MARK1: variants seen among roughly 807,000 people sequenced by gnomAD.
MARK1 encodes microtubule affinity regulating kinase 1.
A neutral mutation model predicts 96.3 loss-of-function variants in MARK1; 40 were observed. That is an observed-to-expected ratio of 0.42 (90% CI 0.32 to 0.54). The LOEUF is 0.54. Ranked by LOEUF, MARK1 falls within the 20% of genes least tolerant of loss-of-function variation. The pLI is 0.16. For missense variants in MARK1, 719 were observed against 984.6 expected (o/e 0.73, Z 3.61); for synonymous variants, 317 against 341.2 (o/e 0.93, Z 0.78).
At chr1:220,659,404 G>A (rs1489749786) in intron 17 of MARK1, among the ~76,000 whole-genome samples, 1 of 152,146 alleles carries the variant, frequency 6.6e-6, no homozygotes, top group Non-Finnish European at 1.5e-5. Flanking sequence ...GAGTGCATGG[G>A]TTTCAGCTAT....
intron 1 of MARK1, among the ~76,000 whole-genome samples, chr1:220,564,101 T>C (rs1662878431): frequency 6.6e-6 from 1 of 152,222 alleles, no homozygotes; most frequent in African/African-American, 2.4e-5. Flanking sequence ...AAAGTAGAAA[T>C]CATTGCATTA....
At chr1:220,602,355 A>G (rs181230606) in intron 5 of MARK1, among the ~76,000 whole-genome samples, 10 of 152,316 alleles carry the variant, frequency 6.6e-5, no homozygotes, top group African/African-American at 2.2e-4. Context: ...TAAAATGCTT[A>G]CCATGTGTCA....
At chr1:220,604,000 A>G in intron 5 of MARK1, 67 bp from the exon 6 acceptor site, 1 of 954,320 alleles carries the variant, frequency 1.0e-6, no homozygotes, top group Non-Finnish European at 1.6e-6. Flanking sequence ...AAAAAACTTG[A>G]CATTGCATAT....
rs1227984844 is a variant in MARK1 at position 220,657,819 on chromosome 1, G to A, written c.2018G>A (p.Arg673Lys). The change falls in exon 17 of 18, where the codon AGA becomes AAA. Residue 673 changes from arginine (R) to lysine (K), a missense_variant. Physicochemically the swap from Arg to Lys is conservative, Grantham distance 26 (BLOSUM62 2). Transcript: ENST00000366917. ...RDPSEGEASG[R>K]TDTSRSTSGE... is the part of the protein sequence containing the mutation. ...CCAAGTGAAGGCGAAGCCAGTGGCA[G>A]AACCGACACCTCAAGGTGAGGAGCC... 1.3e-6 allele frequency: 2 copies of A among 1,573,894 alleles called. No individual in the cohort carries two copies. The highest frequency in any genetic ancestry group is 2.4e-5 in the East Asian group (1 of 42,434).
At chr1:220,660,167 T>C (rs1281235608) in intron 17 of MARK1, among the ~76,000 whole-genome samples, 2 of 152,212 alleles carry the variant, frequency 1.3e-5, no homozygotes, top group African/African-American at 4.8e-5. Context: ...AGGATGCCGA[T>C]TCCACCAGAA....
At chr1:220,644,123 G>C (rs921600439) in intron 13 of MARK1, among the ~76,000 whole-genome samples, 1 of 152,042 alleles carries the variant, frequency 6.6e-6, no homozygotes, top group South Asian at 2.1e-4. Flanking sequence ...ACACAGAATG[G>C]CAAGCTGGGT....
chr1:220,642,875 T>A (rs781748139), intron 13 of MARK1, among the ~76,000 whole-genome samples: 30 of 151,930 alleles, frequency 2.0e-4, no homozygotes, highest in Non-Finnish European at 4.0e-4. Context: ...AAGAGGGGCC[T>A]GAGTGTTAGA....
chr1:220,643,764 A>G (rs979681723), intron 13 of MARK1, among the ~76,000 whole-genome samples: 5 of 152,212 alleles, frequency 3.3e-5, no homozygotes, highest in Non-Finnish European at 7.3e-5. Context: ...ATTGGGGGCC[A>G]ATATTCTACA....
intron 1 of MARK1, among the ~76,000 whole-genome samples, chr1:220,548,187 T>A (rs903174256): frequency 1.8e-4 from 27 of 152,372 alleles, no homozygotes; most frequent in African/African-American, 5.8e-4. Flanking sequence ...CAGTATTTGC[T>A]GGTTAAATTC....
Position 220,528,791 on chromosome 1 carries a change from A to G in MARK1, c.-32A>G, listed in dbSNP as rs1339200654. 7 of 1,543,272 alleles carry G rather than the reference A, an allele frequency of 4.5e-6. No individual in the cohort carries two copies. In the Admixed American group the frequency reaches 7.9e-5, roughly 17 times the overall value. On this transcript the variant is annotated 5_prime_UTR_variant, in exon 1 of 18. Transcript: ENST00000366917. ...GGCCCGCACCACAGCCCGGCCGGCG[A>G]GACCCCGGCCAGACCCCGCTGCCCG...
intron 3 of MARK1, among the ~76,000 whole-genome samples, chr1:220,585,948 T>A (rs1572128675): frequency 6.6e-6 from 1 of 151,984 alleles, no homozygotes; most frequent in Non-Finnish European, 1.5e-5. Context: ...TGTTATCTTC[T>A]TGTAGCCTTC....
intron 1 of MARK1, among the ~76,000 whole-genome samples, chr1:220,548,363 T>A (rs1055597229): frequency 6.6e-6 from 1 of 152,250 alleles, no homozygotes; most frequent in Non-Finnish European, 1.5e-5. Context: ...TTTGTTAGAT[T>A]TACTAAATAT....
At chr1:220,642,147 C>T (rs951179016) in intron 13 of MARK1, among the ~76,000 whole-genome samples, 1 of 152,304 alleles carries the variant, frequency 6.6e-6, no homozygotes, top group African/African-American at 2.4e-5. Flanking sequence ...TCAGTGGGTC[C>T]CCCTCCCATG....
chr1:220,532,019 A>G (rs1660350496), intron 1 of MARK1, among the ~76,000 whole-genome samples: 1 of 152,132 alleles, frequency 6.6e-6, no homozygotes, highest in South Asian at 2.1e-4. Flanking sequence ...AAAATTTAGT[A>G]TTTGGGAAAA....
intron 1 of MARK1, among the ~76,000 whole-genome samples, chr1:220,546,504 G>A (rs1409969108): frequency 6.6e-6 from 1 of 152,208 alleles, no homozygotes; most frequent in Non-Finnish European, 1.5e-5. Flanking sequence ...CTTTAATGGT[G>A]ATTGGTCTTT....
chr1:220,637,929 T>C (rs1427502563), intron 13 of MARK1, among the ~76,000 whole-genome samples: 1 of 152,190 alleles, frequency 6.6e-6, no homozygotes, highest in Non-Finnish European at 1.5e-5. Flanking sequence ...TTATTTTATG[T>C]AGTCCACTGG....
chr1:220,575,722 A>G (rs1663784364), intron 1 of MARK1, among the ~76,000 whole-genome samples: 1 of 152,036 alleles, frequency 6.6e-6, no homozygotes, highest in African/African-American at 2.4e-5. Flanking sequence ...TATTGTGTAT[A>G]AATGATCATG....
chr1:220,583,814 A>ATTTTTTTTTTTTTT (rs34848222), intron 3 of MARK1, among the ~76,000 whole-genome samples: 34 of 105,202 alleles, frequency 3.2e-4, no homozygotes, highest in Non-Finnish European at 3.7e-4. Flanking sequence ...TGCCTGGCTA[A>ATTTTTTTTTTTTTT]TTTTTTTTTT....
chr1:220,618,803 T>G lies in MARK1; in HGVS notation c.909+48T>G. On this transcript the variant is annotated intron_variant, in intron 9 of 17. Transcript: ENST00000366917. The surrounding 1 kb of genome is among the most constrained non-coding windows in gnomAD (Gnocchi z 4.6). ...AATTTAAATTTTAACAATTAAAATA[T>G]TCCAGGAACCGAAGAGCATTTTTCT... The G allele has an allele frequency of 6.7e-7, 1 of 1,490,898 alleles. No homozygotes were observed. Among genetic ancestry groups the G allele is most frequent in the Non-Finnish European group, 9.0e-7 (1 of 1,107,220 alleles). 92.4% of individuals were successfully genotyped at this position (1,490,898 alleles called of 1,614,324 possible).
Sources: gnomAD v4.1 joint callset for allele counts (sites outside exome capture counted in the v4.1 genomes callset) on GRCh38, gnomAD v4.1.1 for gene constraint, Gnocchi (gnomAD v3.1) non-coding constraint, MANE v1.5 for transcripts, NCBI Gene and HGNC (gene_info 2026-07-23, HGNC 2026-07-21) for gene names.